The following JAZF1 variants were observed in gnomAD, a reference collection of about 807,000 sequenced individuals.
JAZF1 encodes juxtaposed with another zinc finger protein 1.
Under a neutral mutation model 26.4 loss-of-function variants are expected in JAZF1, and 8 were observed. The ratio of observed to expected loss-of-function variants is 0.30; its 90% CI spans 0.18 to 0.55. The LOEUF is 0.55. Ranked by LOEUF, JAZF1 falls within the 20% of genes least tolerant of loss-of-function variation. The pLI is 0.94. For missense variants in JAZF1, 199 were observed against 322.0 expected (o/e 0.62, Z 2.92); for synonymous variants, 126 against 122.3 (o/e 1.03, Z -0.20).
intron 1 of JAZF1, among the ~76,000 whole-genome samples, chr7:28,162,763 A>C (rs544675921): frequency 6.6e-6 from 1 of 152,270 alleles, no homozygotes; most frequent in Admixed American, 6.5e-5. Context: ...GTCTGATGAA[A>C]GGTAAAGCAT....
intron 1 of JAZF1, among the ~76,000 whole-genome samples, chr7:28,112,439 CTT>C (rs1463212388): frequency 1.3e-5 from 2 of 152,120 alleles, no homozygotes; most frequent in Non-Finnish European, 2.9e-5. Context: ...TAAGAGCACA[CTT>C]AAAGTTTGTA....
At chr7:27,949,718 G>A (rs754795338) in intron 2 of JAZF1, among the ~76,000 whole-genome samples, 10 of 152,220 alleles carry the variant, frequency 6.6e-5, no homozygotes, top group Admixed American at 2.6e-4. Flanking sequence ...AGCCGAAATT[G>A]TGCCATTGCA....
At chr7:27,895,160 C>A in intron 3 of JAZF1, 60 bp downstream of exon 3, 1 of 1,200,596 alleles carries the variant, frequency 8.3e-7, no homozygotes, top group Middle Eastern at 2.9e-4. Context: ...CAGCACATCA[C>A]ACACACTTTC....
At chr7:27,918,309 C>T (rs1784476111) in intron 2 of JAZF1, among the ~76,000 whole-genome samples, 1 of 152,182 alleles carries the variant, frequency 6.6e-6, no homozygotes, top group African/African-American at 2.4e-5. Context: ...ACCCTTCAAG[C>T]TCTGGCTTGA....
At chr7:27,904,987 G>T (rs978770914) in intron 2 of JAZF1, among the ~76,000 whole-genome samples, 15 of 152,332 alleles carry the variant, frequency 9.8e-5, no homozygotes, top group African/African-American at 3.6e-4. Flanking sequence ...AGGCTGGGGT[G>T]CAGTGGTGCC....
At chr7:28,122,742 T>C (rs1483348980) in intron 1 of JAZF1, among the ~76,000 whole-genome samples, 1 of 152,122 alleles carries the variant, frequency 6.6e-6, no homozygotes, top group Non-Finnish European at 1.5e-5. Flanking sequence ...GCAGCACTCA[T>C]GTGTTCATTC....
intron 1 of JAZF1, among the ~76,000 whole-genome samples, chr7:28,033,483 G>C (rs1034536965): frequency 1.3e-5 from 2 of 152,118 alleles, no homozygotes; most frequent in African/African-American, 4.8e-5. Context: ...AAGTTATTTG[G>C]GGAGTAAAAC....
rs191617182 is a variant in JAZF1, at chr7:28,128,875, T to C, written c.115+51588A>G. ...TCACATAATGACTTCTTCAAAAGAATGTACTACTCAGAACACAAGATGCTG... is the reference window on the plus strand; with the variant it reads ...TCACATAATGACTTCTTCAAAAGAACGTACTACTCAGAACACAAGATGCTG... On this transcript the variant is annotated intron_variant, in intron 1 of 4. Transcript: ENST00000283928. 2.6e-5 allele frequency among the ~76,000 whole-genome samples: 4 copies of C among 152,290 alleles called. No homozygotes were observed. The East Asian group carries it at 7.7e-4, about 29-fold the overall frequency.
intron 1 of JAZF1, among the ~76,000 whole-genome samples, chr7:28,144,683 ATTTAATCACAG>A (rs940304829): frequency 2.0e-5 from 3 of 152,248 alleles, no homozygotes; most frequent in East Asian, 1.9e-4. Flanking sequence ...AAATAAATAT[ATTTAATCACAG>A]TTTAATCACA....
rs113163011 is a variant in JAZF1, at chr7:28,081,867, A to G, written c.116-89886T>C. On this transcript the variant is annotated intron_variant, in intron 1 of 4. Transcript: ENST00000283928. ...CATTTTCATTACCACAAAATGCTGC[A>G]CTCTTATGCTTTCTTAAAAAGATCA... Among the ~76,000 whole-genome samples, 579 of 152,260 alleles carry G rather than the reference A, an allele frequency of 3.8e-3. 3 individuals are homozygous for G. The highest frequency in any genetic ancestry group is 0.021 in the Middle Eastern group (6 of 292).
intron 2 of JAZF1, among the ~76,000 whole-genome samples, chr7:27,980,066 T>C (rs1785551632): frequency 1.3e-5 from 2 of 152,320 alleles, no homozygotes; most frequent in Admixed American, 6.5e-5. Context: ...ACCCTATTTT[T>C]CCAATATTAG....
chr7:28,168,366 G>A (rs1006330040), intron 1 of JAZF1, among the ~76,000 whole-genome samples: 3 of 128,488 alleles, frequency 2.3e-5, no homozygotes, highest in Non-Finnish European at 3.1e-5. Flanking sequence ...GGGTGACAGA[G>A]CGAGACTCCG....
intron 3 of JAZF1, among the ~76,000 whole-genome samples, chr7:27,866,403 C>G (rs1187420678): frequency 6.6e-6 from 1 of 152,180 alleles, no homozygotes; most frequent in Non-Finnish European, 1.5e-5. Flanking sequence ...TGGGAGCAGG[C>G]ATCCTGTGCT....
chr7:27,912,458 C>T (rs570520621), intron 2 of JAZF1, among the ~76,000 whole-genome samples: 10 of 152,212 alleles, frequency 6.6e-5, no homozygotes, highest in African/African-American at 2.4e-4. Flanking sequence ...GGCTAGTTTA[C>T]CTCCATACTC....
intron 1 of JAZF1, among the ~76,000 whole-genome samples, chr7:28,074,983 T>A (rs1784029063): frequency 6.6e-6 from 1 of 152,016 alleles, no homozygotes; most frequent in African/African-American, 2.4e-5. Context: ...AATGAAGAGG[T>A]AAAGGACACA....
chr7:28,025,131 T>G (rs1268294955), intron 1 of JAZF1, among the ~76,000 whole-genome samples: 1 of 152,168 alleles, frequency 6.6e-6, no homozygotes, highest in Non-Finnish European at 1.5e-5. Context: ...CAATGTCCGT[T>G]GAGTGTCCAG....
intron 1 of JAZF1, among the ~76,000 whole-genome samples, chr7:28,109,841 A>G (rs1784613707): frequency 6.6e-6 from 1 of 152,206 alleles, no homozygotes; most frequent in Admixed American, 6.6e-5. Context: ...CAGGGCCAAC[A>G]ACTGAAGAGA....
chr7:28,011,621 T>C (rs1782801013), intron 1 of JAZF1, among the ~76,000 whole-genome samples: 1 of 152,192 alleles, frequency 6.6e-6, no homozygotes, highest in Non-Finnish European at 1.5e-5. Flanking sequence ...CATTTTAAAT[T>C]CTTCTAACAC....
At chr7:28,064,079 G>T (rs1307794096) in intron 1 of JAZF1, among the ~76,000 whole-genome samples, 1 of 151,722 alleles carries the variant, frequency 6.6e-6, no homozygotes, top group African/African-American at 2.4e-5. Context: ...ACTGCCAAGA[G>T]TTAAAAAAAA....
Sources: gnomAD v4.1 joint callset for allele counts (sites outside exome capture counted in the v4.1 genomes callset) on GRCh38, gnomAD v4.1.1 for gene constraint, MANE v1.5 for transcripts, NCBI Gene and HGNC (gene_info 2026-07-23, HGNC 2026-07-21) for gene names.